ZRANB1: variants seen among roughly 807,000 people sequenced by gnomAD.
ZRANB1 encodes ubiquitin thioesterase ZRANB1.
In ZRANB1, 16 loss-of-function variants were observed where a neutral mutation model predicts 80.5. The observed-to-expected ratio is 0.20, with a 90% CI of 0.13 to 0.30. The LOEUF is 0.30. Ranked by LOEUF, ZRANB1 falls within the 10% of genes least tolerant of loss-of-function variation. The pLI, the probability that ZRANB1 is intolerant of heterozygous loss-of-function variation, is 1.00. For synonymous variants in ZRANB1, 291 were observed against 293.1 expected (o/e 0.99, Z 0.07); for missense variants, 576 against 862.6 (o/e 0.67, Z 4.16).
chr10:124,919,720 T>C, the ZRANB1 span, among the ~76,000 whole-genome samples: 1 of 148,390 alleles, frequency 6.7e-6, no homozygotes, highest in Admixed American at 6.7e-5. Flanking sequence ...CACGCCATTC[T>C]CCTGCCTCAT....
chr10:124,925,764 T>C, the ZRANB1 span, among the ~76,000 whole-genome samples: 3 of 152,222 alleles, frequency 2.0e-5, no homozygotes, highest in Non-Finnish European at 4.4e-5. Context: ...ACTGAGTTTT[T>C]TTGCATGTGG....
chr10:124,959,797 A>T (rs940473663), intron 1 of ZRANB1, among the ~76,000 whole-genome samples: 1 of 152,180 alleles, frequency 6.6e-6, no homozygotes, highest in African/African-American at 2.4e-5. Flanking sequence ...CCGTAATTAA[A>T]TTTGTAGTTT....
intron 5 of ZRANB1, 49 bp from the exon 6 acceptor site, chr10:124,981,660 T>C: frequency 6.8e-7 from 1 of 1,481,282 alleles, no homozygotes. Context: ...TTAAATGTTT[T>C]ATTTATAGAA....
At chr10:124,984,269 G>C (rs2134003550) in intron 8 of ZRANB1, 1 of 156,002 alleles carries the variant, frequency 6.4e-6, no homozygotes, top group East Asian at 1.9e-4. Flanking sequence ...ACCAGACAGG[G>C]GAGGTGGTGA....
chr10:124,946,489 CGTT>C (rs1484711048), intron 1 of ZRANB1: 3 of 151,264 alleles, frequency 2.0e-5, no homozygotes, highest in Admixed American at 6.6e-5. Flanking sequence ...TTGGATTTGA[CGTT>C]GTTTTATTTA....
chr10:124,933,141 T>C, the ZRANB1 span, among the ~76,000 whole-genome samples: 1 of 147,934 alleles, frequency 6.8e-6, no homozygotes, highest in African/African-American at 2.4e-5. Flanking sequence ...TTTCTTTCTT[T>C]TTTTTTTTTT....
At chr10:124,978,793 ATTTTTT>A in intron 5 of ZRANB1, among the ~76,000 whole-genome samples, 1 of 115,438 alleles carries the variant, frequency 8.7e-6, no homozygotes, top group African/African-American at 3.2e-5. Flanking sequence ...TTCCCAGCTA[ATTTTTT>A]TTTTTTTTTT....
At chr10:124,940,134 G>T (rs112533396), upstream of ZRANB1, among the ~76,000 whole-genome samples, 4 of 152,260 alleles carry the variant, frequency 2.6e-5, no homozygotes, top group African/African-American at 9.6e-5. Flanking sequence ...TTAGAACTGT[G>T]TACACAGCAC....
intron 1 of ZRANB1, among the ~76,000 whole-genome samples, chr10:124,961,247 C>G (rs1034634691): frequency 6.6e-6 from 1 of 151,940 alleles, no homozygotes; most frequent in Non-Finnish European, 1.5e-5. Context: ...CTCAGGTGTT[C>G]CACCCACCTC....
intron 8 of ZRANB1, chr10:124,984,454 C>T: frequency 3.8e-6 from 1 of 263,598 alleles, no homozygotes; most frequent in South Asian, 1.1e-4. Flanking sequence ...GTAAACTTAC[C>T]TTGTCATGTG....
chr10:124,947,710 T>C (rs189245494), intron 1 of ZRANB1, among the ~76,000 whole-genome samples: 1 of 152,348 alleles, frequency 6.6e-6, no homozygotes, highest in Non-Finnish European at 1.5e-5. Context: ...TCTCATTCCA[T>C]TGCTTGTGCC....
intron 5 of ZRANB1, among the ~76,000 whole-genome samples, chr10:124,976,829 C>G (rs567978094): frequency 8.6e-5 from 13 of 151,982 alleles, no homozygotes; most frequent in Admixed American, 2.0e-4. Context: ...ACCTCGACCT[C>G]CCAAAGTGCT....
chr10:124,926,023 T>TC, the ZRANB1 span, among the ~76,000 whole-genome samples: 1 of 152,200 alleles, frequency 6.6e-6, no homozygotes, highest in African/African-American at 2.4e-5. Context: ...GTGGTGTTTT[T>TC]CTAACACAAA....
Position 124,983,354 on chromosome 10 carries a change from TCA to T in ZRANB1, c.1678+51_1678+52del. On this transcript the variant is annotated intron_variant, in intron 7 of 8. Transcript: ENST00000359653. This position sits in a 1 kb window ranked among gnomAD's most constrained non-coding sequence, Gnocchi z 6.2. ...TACAAGTTTCTTTGAACGGAATGGC[TCA>T]GATGTCAGGAAGGAGCAGTGGACAG... The T allele has an allele frequency of 6.2e-7, 1 of 1,605,866 alleles. No individual in the cohort carries two copies. The highest frequency in any genetic ancestry group is 2.2e-5 in the East Asian group (1 of 44,798).
intron 5 of ZRANB1, among the ~76,000 whole-genome samples, chr10:124,976,522 C>T (rs561961702): frequency 6.7e-6 from 1 of 149,500 alleles, no homozygotes; most frequent in East Asian, 2.0e-4. Context: ...TGCAGGTTCT[C>T]TCTAAAAAGG....
the ZRANB1 span, among the ~76,000 whole-genome samples, chr10:124,926,811 A>C: frequency 1.3e-5 from 2 of 152,174 alleles, no homozygotes; most frequent in Non-Finnish European, 2.9e-5. Flanking sequence ...AACGTGAGTA[A>C]TGAATGTATT....
intron 5 of ZRANB1, among the ~76,000 whole-genome samples, chr10:124,980,090 T>G (rs1051103727): frequency 3.3e-5 from 5 of 152,254 alleles, no homozygotes; most frequent in Admixed American, 3.3e-4. Flanking sequence ...TGATTGGGAT[T>G]GCATTGAATC....
Position 124,942,575 on chromosome 10 carries a change from C to T in ZRANB1, c.82C>T (p.Arg28Cys), listed in dbSNP as rs751811854. 136 of 1,613,990 alleles carry T rather than the reference C, an allele frequency of 8.4e-5. No individual in the cohort carries two copies. In the South Asian group the frequency reaches 1.3e-3, roughly 16 times the overall value. Residue 28 changes from arginine (R) to cysteine (C), a missense_variant, in exon 1 of 9, where the codon CGT (arginine) becomes TGT (cysteine). Physicochemically the swap from Arg to Cys is radical, Grantham distance 180 (BLOSUM62 -3). Coordinates refer to ENST00000359653, the MANE Select transcript of ZRANB1 (RefSeq NM_017580.3). ...ATCTGCAATCAAGTGTACTATGTGTCGTGCCCAAAGACCTAGTGGAACAAT... is the reference window on the plus strand; with the variant it reads ...ATCTGCAATCAAGTGTACTATGTGTTGTGCCCAAAGACCTAGTGGAACAAT... ...WPSAIKCTMCRAQRPSGTIIT... is the reference protein window; with the variant it reads ...WPSAIKCTMCCAQRPSGTIIT...
chr10:124,966,527 T>A, intron 1 of ZRANB1, 67 bp from the exon 2 acceptor site: 1 of 1,497,354 alleles, frequency 6.7e-7, no homozygotes. Context: ...TTGGAGTGAT[T>A]GCTACGGTTT....
Sources: gnomAD v4.1 joint callset for allele counts (sites outside exome capture counted in the v4.1 genomes callset) on GRCh38, gnomAD v4.1.1 for gene constraint, Gnocchi (gnomAD v3.1) non-coding constraint, MANE v1.5 for transcripts, NCBI Gene and HGNC (gene_info 2026-07-23, HGNC 2026-07-21) for gene names.